Variants in FANCD2 observed in about 807,000 individuals in gnomAD.
FANCD2 encodes the protein FA complementation group D2.
A neutral mutation model predicts 192.3 loss-of-function variants in FANCD2; 131 were observed. The observed-to-expected ratio is 0.68, with a 90% CI of 0.59 to 0.79. The LOEUF is 0.79. Among genes scored for constraint, FANCD2 ranks in the 30% least tolerant of loss-of-function variants. The pLI, the probability that FANCD2 is intolerant of heterozygous loss-of-function variation, is 0.00. For synonymous variants in FANCD2, 524 were observed against 612.5 expected (o/e 0.86, Z 2.13); for missense variants, 1,508 against 1,701.6 (o/e 0.89, Z 2.00).
At chr3:10,086,307 C>T (rs1027797752) in intron 33 of FANCD2, among the ~76,000 whole-genome samples, 3 of 152,040 alleles carry the variant, frequency 2.0e-5, no homozygotes, top group Non-Finnish European at 2.9e-5. Flanking sequence ...GTAGGAAGAC[C>T]TTATGTGGCT....
Position 10,043,551 on chromosome 3 carries a change from G to A in FANCD2, c.1057G>A (p.Ala353Thr). ...IILLFDVIKSAIRYEKTISEA... is the reference protein window; with the variant it reads ...IILLFDVIKSTIRYEKTISEA... Reference sequence around the variant, plus strand: ...TCTCCTCTTTGATGTAATAAAGTCAGCTATTAGATATGAGAAAACCATTTC... The same window carrying A: ...TCTCCTCTTTGATGTAATAAAGTCAACTATTAGATATGAGAAAACCATTTC... The change falls in exon 13 of 44, where the codon GCT becomes ACT. Residue 353 changes from alanine to threonine, a missense_variant. Physicochemically the swap from Ala to Thr is moderately conservative, Grantham distance 58. Coordinates refer to ENST00000675286, the MANE Select transcript of FANCD2 (RefSeq NM_001018115.3). 6.2e-7 allele frequency: 1 copy of A among 1,613,836 alleles called. No individual in the cohort carries two copies. The highest frequency in any genetic ancestry group is 8.5e-7 in the Non-Finnish European group (1 of 1,179,768).
intron 18 of FANCD2, among the ~76,000 whole-genome samples, chr3:10,058,698 G>T (rs1041568187): frequency 1.3e-5 from 2 of 152,056 alleles, no homozygotes; most frequent in African/African-American, 4.8e-5. Context: ...CTATTTCATT[G>T]GTCTATACGT....
At chr3:10,031,310 T>G (rs1002871391) in intron 2 of FANCD2, among the ~76,000 whole-genome samples, 1 of 152,074 alleles carries the variant, frequency 6.6e-6, no homozygotes, top group Admixed American at 6.6e-5. Context: ...GAGACCATCT[T>G]GGCTAACATG....
chr3:10,056,038 C>T (rs956305156), intron 18 of FANCD2, among the ~76,000 whole-genome samples: 1 of 152,066 alleles, frequency 6.6e-6, no homozygotes, highest in Non-Finnish European at 1.5e-5. Context: ...ACCACCACTC[C>T]CGGCTGATTT....
chr3:10,064,701 A>C (rs777276871), intron 22 of FANCD2, 28 bp from the exon 23 acceptor site: 8 of 1,613,526 alleles, frequency 5.0e-6, no homozygotes, highest in Middle Eastern at 1.7e-4. Context: ...CCTGAGCTGC[A>C]ACATCAGATT....
rs56156755 is a variant in FANCD2, at chr3:10,043,223, A to G, written c.989+73A>G. 2.1e-3 allele frequency: 2,184 copies of G among 1,064,860 alleles called. 37 individuals are homozygous for G. The African/African-American group carries it at 0.029, about 14-fold the overall frequency. The allele number at this position is 1,064,860 out of a possible 1,614,324, so 66.0% of individuals were successfully genotyped here. On this transcript the variant is annotated intron_variant, in intron 12 of 43. Transcript: ENST00000675286. ...ACTGTCAGAGTTAGAGCTTAATACT[A>G]CTACAAATAATGATACTATTATGAC... is the stretch of plus-strand genomic sequence containing the variant.
chr3:10,043,174 G>A (rs2124992533), intron 12 of FANCD2, 24 bp downstream of exon 12: 1 of 1,587,648 alleles, frequency 6.3e-7, no homozygotes, highest in Non-Finnish European at 8.7e-7. Context: ...CCTCACACAG[G>A]ATGTCACAAT....
chr3:10,095,461 C>T (rs538385714), intron 41 of FANCD2, 187 bp downstream of exon 41: 75 of 610,926 alleles, frequency 1.2e-4, no homozygotes, highest in African/African-American at 4.1e-4. Context: ...GGGGAATCTC[C>T]GCATCTGAAA....
At chr3:10,097,766 T>TGGGG (rs1444186337) in intron 42 of FANCD2, among the ~76,000 whole-genome samples, 1 of 152,232 alleles carries the variant, frequency 6.6e-6, no homozygotes, top group Non-Finnish European at 1.5e-5. Context: ...GGGTATTGAC[T>TGGGG]GGGGAAGTGG....
At position 10,073,343 on chromosome 3, in the gene FANCD2, A is replaced by T. The variant is rs1450494032; in HGVS notation, c.2696A>T (p.His899Leu). Residue 899 changes from histidine (H) to leucine (L), a missense_variant, in exon 28 of 44, where the codon CAT becomes CTT. Coordinates refer to ENST00000675286, the MANE Select transcript of FANCD2 (RefSeq NM_001018115.3). Reference sequence around the variant, plus strand: ...TCAGAATGTGACCCTACGCCATCTCATAGAGGCCAGCTAAACAAGGTATTG... The same window carrying T: ...TCAGAATGTGACCCTACGCCATCTCTTAGAGGCCAGCTAAACAAGGTATTG... ...KNSECDPTPS[H>L]RGQLNKEFTG... 3.1e-6 allele frequency: 5 copies of T among 1,611,758 alleles called. No homozygotes were observed. Among genetic ancestry groups the T allele is most frequent in the African/African-American group, 1.3e-5 (1 of 74,868 alleles).
chr3:10,075,188 CTT>C (rs57693909), intron 29 of FANCD2, among the ~76,000 whole-genome samples: 2 of 145,210 alleles, frequency 1.4e-5, no homozygotes, highest in Admixed American at 6.9e-5. Context: ...TTATTATTTT[CTT>C]TTTTTTTTTT....
At chr3:10,065,346 G>A in intron 23 of FANCD2, 48 bp from the exon 24 acceptor site, 3 of 1,206,078 alleles carry the variant, frequency 2.5e-6, no homozygotes, top group Non-Finnish European at 3.7e-6. Context: ...TGTACGTGGA[G>A]TAATACACCT....
chr3:10,059,997 A>G (rs1174370713), intron 18 of FANCD2, among the ~76,000 whole-genome samples: 4 of 151,620 alleles, frequency 2.6e-5, no homozygotes, highest in African/African-American at 7.3e-5. Context: ...GTGAAACCCC[A>G]TCTCTACTAA....
rs781468026 is a variant in FANCD2, at chr3:10,061,261, C to T, written c.1766+858C>T. Among the ~76,000 whole-genome samples, 58 of 152,224 alleles carry T rather than the reference C, an allele frequency of 3.8e-4. 1 individual carries two copies. Among genetic ancestry groups the T allele is most frequent in the Admixed American group, 5.9e-4 (9 of 15,280 alleles). The stretch of plus-strand genomic sequence containing the variant: ...CTGGCTGCCCAGTGCTTTCTTGCAA[C>T]GTACTTTTATACTTTCTCTAAGAAA... On this transcript the variant is annotated intron_variant, in intron 19 of 43. Coordinates refer to ENST00000675286, the MANE Select transcript of FANCD2 (RefSeq NM_001018115.3).
At chr3:10,036,028 T>C (rs1051853024) in intron 6 of FANCD2, among the ~76,000 whole-genome samples, 2 of 151,698 alleles carry the variant, frequency 1.3e-5, no homozygotes, top group African/African-American at 2.4e-5. Flanking sequence ...TAATAAGATA[T>C]CAACTTTAGC....
chr3:10,081,271 T>C, intron 31 of FANCD2, 43 bp downstream of exon 31: 1 of 1,613,636 alleles, frequency 6.2e-7, no homozygotes, highest in Non-Finnish European at 8.5e-7. Context: ...AATATGAGGT[T>C]TCATTTTTGG....
intron 18 of FANCD2, among the ~76,000 whole-genome samples, chr3:10,056,843 C>T (rs1413485189): frequency 6.6e-6 from 1 of 152,050 alleles, no homozygotes; most frequent in Non-Finnish European, 1.5e-5. Flanking sequence ...CTATTCAAGT[C>T]CTTTACCCAT....
At chr3:10,027,702 A>G (rs868309176) in intron 1 of FANCD2, among the ~76,000 whole-genome samples, 3 of 150,240 alleles carry the variant, frequency 2.0e-5, no homozygotes, top group African/African-American at 7.4e-5. Flanking sequence ...TTATGAGATC[A>G]AGACTATCCT....
Position 10,062,153 on chromosome 3 carries a change from G to A in FANCD2, c.1769G>A (p.Ser590Asn). The A allele has an allele frequency of 6.2e-7, 1 of 1,610,180 alleles. No homozygotes were observed. The highest frequency in any genetic ancestry group is 8.5e-7 in the Non-Finnish European group (1 of 1,177,906). The change falls in exon 20 of 44, where the codon AGT becomes AAT. Residue 590 changes from serine to asparagine, a missense_variant and splice_region_variant. Around this residue, in one of 5 missense-constraint regions of FANCD2, gnomAD observed 110 missense variants for 114.4 expected, o/e 0.96. Coordinates refer to ENST00000675286, the MANE Select transcript of FANCD2 (RefSeq NM_001018115.3). Reference sequence around the variant, plus strand: ...AAAAAAAAATTCTTTGTTTTTAGAAGTGAATCACCTAGTTTGACCCAAGAG... The same window carrying A: ...AAAAAAAAATTCTTTGTTTTTAGAAATGAATCACCTAGTTTGACCCAAGAG... Reference protein sequence around the residue: ...TMAGIMAADRSESPSLTQERA... With the variant: ...TMAGIMAADRNESPSLTQERA...
Sources: allele counts gnomAD v4.1 joint callset (sites outside exome capture counted in the v4.1 genomes callset), GRCh38; gene constraint gnomAD v4.1.1; regional missense constraint gnomAD v4.1.1; transcripts MANE v1.5; gene names NCBI Gene and HGNC (gene_info 2026-07-23, HGNC 2026-07-21).